ST8SIA6: variants seen among roughly 807,000 people sequenced by gnomAD.
The protein encoded by ST8SIA6 is ST8 alpha-N-acetyl-neuraminide alpha-2,8-sialyltransferase 6.
In ST8SIA6, 39 loss-of-function variants were observed where a neutral mutation model predicts 33.6. The observed-to-expected ratio is 1.16, with a 90% CI of 0.90 to 1.52. The LOEUF (loss-of-function observed/expected upper bound fraction) is 1.52, where lower values mean the gene tolerates loss of function less well. Among genes scored for constraint, ST8SIA6 ranks in the 40% most tolerant of loss-of-function variants. The probability of loss-of-function intolerance (pLI) is 0.00; values close to 1 mark genes in which losing one functional copy is unlikely to be tolerated. For synonymous variants in ST8SIA6, 172 were observed against 167.2 expected (o/e 1.03, Z -0.22); for missense variants, 441 against 443.8 (o/e 0.99, Z 0.06).
chr10:17,419,801 C>T (rs1851723749), intron 2 of ST8SIA6, among the ~76,000 whole-genome samples: 1 of 152,140 alleles, frequency 6.6e-6, no homozygotes, highest in South Asian at 2.1e-4. Context: ...TATCCTTTAG[C>T]TTTTTTCCTA....
intron 4 of ST8SIA6, among the ~76,000 whole-genome samples, chr10:17,346,142 G>A (rs868353932): frequency 6.6e-6 from 1 of 152,206 alleles, no homozygotes; most frequent in Non-Finnish European, 1.5e-5. Context: ...AGAAGCTCAA[G>A]TCACATATGG....
At chr10:17,370,901 A>T (rs533238248) in intron 3 of ST8SIA6, among the ~76,000 whole-genome samples, 2 of 152,308 alleles carry the variant, frequency 1.3e-5, no homozygotes, top group South Asian at 4.2e-4. Flanking sequence ...CAGAAATAGG[A>T]TCCCCCTACC....
intron 2 of ST8SIA6, among the ~76,000 whole-genome samples, chr10:17,434,708 G>T (rs1588922116): frequency 6.6e-6 from 1 of 152,010 alleles, no homozygotes; most frequent in Non-Finnish European, 1.5e-5. Context: ...AATGAAGGGT[G>T]AACCTGTGTC....
chr10:17,450,267 A>C (rs2131749893), intron 2 of ST8SIA6, among the ~76,000 whole-genome samples: 1 of 152,298 alleles, frequency 6.6e-6, no homozygotes, highest in African/African-American at 2.4e-5. Flanking sequence ...GGGAAAAGAA[A>C]GAGCCACAAG....
intron 4 of ST8SIA6, among the ~76,000 whole-genome samples, chr10:17,343,700 T>C (rs1435864527): frequency 6.6e-6 from 1 of 152,050 alleles, no homozygotes; most frequent in Non-Finnish European, 1.5e-5. Context: ...CCAAGGATTA[T>C]AGAGACACAT....
At chr10:17,420,646 C>T (rs1851753582) in intron 2 of ST8SIA6, among the ~76,000 whole-genome samples, 1 of 152,140 alleles carries the variant, frequency 6.6e-6, no homozygotes, top group South Asian at 2.1e-4. Context: ...CTACTTTCAT[C>T]CTGCCAGCTA....
intron 4 of ST8SIA6, among the ~76,000 whole-genome samples, chr10:17,340,970 G>A (rs1199267567): frequency 6.6e-6 from 1 of 152,196 alleles, no homozygotes; most frequent in Non-Finnish European, 1.5e-5. Flanking sequence ...TTGCCTGTGG[G>A]CTTGTGTTGT....
chr10:17,322,932 A>T, intron 7 of ST8SIA6, 133 bp downstream of exon 7: 1 of 689,412 alleles, frequency 1.5e-6, no homozygotes, highest in Non-Finnish European at 2.3e-6. Context: ...ATGAATTCTT[A>T]TATATTTTTC....
chr10:17,402,459 G>T lies in ST8SIA6; in HGVS notation c.201-11839C>A, dbSNP rs1588891096. Among the ~76,000 whole-genome samples, 6 of 152,272 alleles carry T rather than the reference G, an allele frequency of 3.9e-5. No homozygotes were observed. In the South Asian group the frequency reaches 8.3e-4, roughly 21 times the overall value. On this transcript the variant is annotated intron_variant, in intron 2 of 7. Transcript: ENST00000377602. ...TACCCAAAGGATTATAAATCATGCT[G>T]CTATAAAGACACATGCACACGTATG...
intron 2 of ST8SIA6, among the ~76,000 whole-genome samples, chr10:17,408,687 T>C (rs1207746608): frequency 6.6e-6 from 1 of 151,984 alleles, no homozygotes; most frequent in Non-Finnish European, 1.5e-5. Flanking sequence ...AATAAATGAA[T>C]AAATAAATAC....
At chr10:17,348,542 C>T (rs1231596755) in intron 4 of ST8SIA6, among the ~76,000 whole-genome samples, 6 of 152,114 alleles carry the variant, frequency 3.9e-5, no homozygotes, top group Non-Finnish European at 1.5e-5. Flanking sequence ...GTGTCTTGCA[C>T]AGGTGGAGAA....
At chr10:17,332,408 C>A (rs1041012543) in intron 4 of ST8SIA6, among the ~76,000 whole-genome samples, 2 of 152,174 alleles carry the variant, frequency 1.3e-5, no homozygotes, top group Non-Finnish European at 2.9e-5. Flanking sequence ...ACACTCCCAC[C>A]AACAGTGTAA....
rs764210726 is a variant in ST8SIA6, at chr10:17,327,006, G to T, written c.635+8C>A. The stretch of plus-strand genomic sequence containing the variant: ...TTGTTTCAAAGAAACCAATTTGTCA[G>T]GTCTTACCTAAAAACGAAGTCGGAT... On this transcript the variant is annotated splice_region_variant and intron_variant, in intron 6 of 7. Transcript: ENST00000377602. 1.3e-6 allele frequency: 2 copies of T among 1,584,430 alleles called. No individual in the cohort carries two copies. Among genetic ancestry groups the T allele is most frequent in the Non-Finnish European group, 1.7e-6 (2 of 1,164,056 alleles).
At chr10:17,360,964 GAGAAGAAGA>G (rs796992217) in intron 3 of ST8SIA6, among the ~76,000 whole-genome samples, 1 of 150,418 alleles carries the variant, frequency 6.6e-6, no homozygotes, top group Non-Finnish European at 1.5e-5. Context: ...GGAGGAGGAG[GAGAAGAAGA>G]AGGAGAAGAA....
chr10:17,443,128 C>A (rs530818007), intron 2 of ST8SIA6, among the ~76,000 whole-genome samples: 54 of 152,290 alleles, frequency 3.5e-4, no homozygotes, highest in Non-Finnish European at 7.1e-4. Context: ...ACTTAATGTG[C>A]AAACAGTAAA....
rs1170866739 is a variant in ST8SIA6, at chr10:17,356,906, AAAAG to A, written c.377+2604_377+2607del. 7.2e-5 allele frequency among the ~76,000 whole-genome samples: 11 copies of A among 152,312 alleles called. No homozygotes were observed. The South Asian group carries it at 1.0e-3, about 14-fold the overall frequency. ...TGAAGAGACTGATTTTTGTCCAAAA[AAAAG>A]AAAGGAAAGGAAGACAAAAGATTTA... On this transcript the variant is annotated intron_variant, in intron 4 of 7. Transcript: ENST00000377602.
intron 4 of ST8SIA6, among the ~76,000 whole-genome samples, chr10:17,334,381 T>G (rs1848436004): frequency 1.3e-5 from 2 of 151,258 alleles, no homozygotes; most frequent in Non-Finnish European, 2.9e-5. Flanking sequence ...CTACTAAAAA[T>G]ACAAAAAGTT....
intron 2 of ST8SIA6, among the ~76,000 whole-genome samples, chr10:17,445,808 G>C (rs1033019638): frequency 1.3e-5 from 2 of 152,156 alleles, no homozygotes; most frequent in Non-Finnish European, 2.9e-5. Flanking sequence ...GGAAGAGGGT[G>C]GTGGATACTG....
chr10:17,337,095 T>C (rs1443276094), intron 4 of ST8SIA6, among the ~76,000 whole-genome samples: 1 of 152,112 alleles, frequency 6.6e-6, no homozygotes, highest in African/African-American at 2.4e-5. Context: ...CTCGTGATAG[T>C]GACTGAGTTC....
Sources: allele counts gnomAD v4.1 joint callset (sites outside exome capture counted in the v4.1 genomes callset), GRCh38; gene constraint gnomAD v4.1.1; transcripts MANE v1.5; gene names NCBI Gene and HGNC (gene_info 2026-07-23, HGNC 2026-07-21).